The following PCM1 variants were observed in gnomAD, a reference collection of about 807,000 sequenced individuals.
PCM1 encodes pericentriolar material 1, also known as pericentriolar material 1 protein.
A neutral mutation model predicts 241.9 loss-of-function variants in PCM1; 157 were observed. The observed-to-expected ratio is 0.65, with a 90% confidence interval of 0.57 to 0.74. The LOEUF (loss-of-function observed/expected upper bound fraction) is 0.74, where lower values mean the gene tolerates loss of function less well. Among genes scored for constraint, PCM1 ranks in the 30% least tolerant of loss-of-function variants. The pLI is 0.00. For synonymous variants in PCM1, 1,085 were observed against 784.9 expected (o/e 1.38, Z -6.39); for missense variants, 3,478 against 2,360.1 (o/e 1.47, Z -9.81).
At chr8:17,975,786 A>T (rs184383368) in intron 23 of PCM1, among the ~76,000 whole-genome samples, 45 of 152,318 alleles carry the variant, frequency 3.0e-4, no homozygotes, top group Non-Finnish European at 1.5e-5. Context: ...AATGTGTTTT[A>T]ATCCTTAGAA....
At chr8:17,998,893 T>C (rs1431991843) in intron 29 of PCM1, among the ~76,000 whole-genome samples, 1 of 152,170 alleles carries the variant, frequency 6.6e-6, no homozygotes, top group Non-Finnish European at 1.5e-5. Context: ...CTTCCCACTT[T>C]TACCTCTGCT....
At chr8:17,992,741 C>T (rs988423655) in intron 28 of PCM1, among the ~76,000 whole-genome samples, 2 of 151,632 alleles carry the variant, frequency 1.3e-5, no homozygotes, top group Non-Finnish European at 2.9e-5. Flanking sequence ...CTCAGCCTCC[C>T]GAGTAGCAGG....
intron 22 of PCM1, among the ~76,000 whole-genome samples, chr8:17,970,403 CTG>C (rs1002853501): frequency 1.4e-4 from 21 of 150,786 alleles, no homozygotes; most frequent in African/African-American, 4.9e-4. Flanking sequence ...CATTTTGACA[CTG>C]TTTAATTACT....
intron 8 of PCM1, among the ~76,000 whole-genome samples, chr8:17,951,650 GTC>G (rs1001528227): frequency 4.6e-5 from 7 of 152,222 alleles, no homozygotes; most frequent in African/African-American, 1.4e-4. Context: ...TTTAAAAAAA[GTC>G]TACATTTTTA....
chr8:17,947,209 T>A lies in PCM1; in HGVS notation c.807T>A (p.Pro269=). The change falls in exon 7 of 39, where the codon CCT becomes CCA. Residue 269 remains proline, a synonymous_variant. Coordinates refer to ENST00000325083, the MANE Select transcript of PCM1 (RefSeq NM_006197.4). ...KILARDPQQE[P]MEEIENLKKQ... The stretch of plus-strand genomic sequence containing the variant: ...AGGCCAGAGATCCTCAGCAGGAGCC[T>A]ATGGAAGAGATAGAAAATTTGAAGA... The A allele has an allele frequency of 6.2e-7, 1 of 1,608,294 alleles. No individual in the cohort carries two copies. The highest frequency in any genetic ancestry group is 1.1e-5 in the South Asian group (1 of 90,460).
intron 7 of PCM1, among the ~76,000 whole-genome samples, chr8:17,948,563 A>G (rs1191122448): frequency 6.6e-6 from 1 of 151,994 alleles, no homozygotes; most frequent in Non-Finnish European, 1.5e-5. Context: ...TTGGCCTCCC[A>G]AAGTGCTGGG....
intron 9 of PCM1, among the ~76,000 whole-genome samples, chr8:17,955,071 G>A (rs1432652244): frequency 6.6e-6 from 1 of 152,076 alleles, no homozygotes; most frequent in Non-Finnish European, 1.5e-5. Context: ...ATGATTCATA[G>A]TGGCCCTGTT....
chr8:17,952,755 C>T (rs1404881503), intron 8 of PCM1, among the ~76,000 whole-genome samples: 1 of 151,952 alleles, frequency 6.6e-6, no homozygotes, highest in African/African-American at 2.4e-5. Context: ...TGAACCAATC[C>T]CTCATGGATA....
At chr8:18,010,273 GATGTGTACCCT>G (rs1341224932) in intron 31 of PCM1, among the ~76,000 whole-genome samples, 1 of 152,120 alleles carries the variant, frequency 6.6e-6, no homozygotes, top group Non-Finnish European at 1.5e-5. Context: ...CTTTTCCCTA[GATGTGTACCCT>G]TTTCCTGACC....
chr8:17,993,731 A>G (rs1395113895), intron 29 of PCM1, 112 bp downstream of exon 29: 7 of 847,142 alleles, frequency 8.3e-6, no homozygotes, highest in South Asian at 7.2e-5. Flanking sequence ...ACAACAAAAA[A>G]ACTATCACCC....
At chr8:17,927,598 T>G (rs2129445808) in intron 2 of PCM1, 1 of 152,314 alleles carries the variant, frequency 6.6e-6, no homozygotes, top group East Asian at 1.9e-4. Flanking sequence ...TGGCACCCAC[T>G]GGAGTGCAGC....
At position 18,011,773 on chromosome 8, in the gene PCM1, G is replaced by T. The variant is rs369540798; in HGVS notation, c.5457G>T (p.Gln1819His). ...TTGAAGAAGGCCCTGTGGATGTCCAGACTTCCCTCCAGGCTAACACTGAAG... is the reference window on the plus strand; with the variant it reads ...TTGAAGAAGGCCCTGTGGATGTCCATACTTCCCTCCAGGCTAACACTGAAG... ...EEFEEGPVDV[Q>H]TSLQANTEAT... The change falls in exon 34 of 39, where the codon CAG becomes CAT. Residue 1819 changes from glutamine (Q) to histidine (H), a missense_variant. Transcript: ENST00000325083. 3.1e-5 allele frequency: 50 copies of T among 1,613,644 alleles called. No homozygotes were observed. Among genetic ancestry groups the T allele is most frequent in the Middle Eastern group, 1.6e-4 (1 of 6,082 alleles).
chr8:17,995,028 T>G (rs2086165801), intron 29 of PCM1, among the ~76,000 whole-genome samples: 1 of 151,516 alleles, frequency 6.6e-6, no homozygotes, highest in African/African-American at 2.5e-5. Flanking sequence ...CTTTTTAACT[T>G]GATGTGATCC....
intron 6 of PCM1, among the ~76,000 whole-genome samples, chr8:17,942,996 CA>C (rs5889754): frequency 0.17 from 21,238 of 122,950 alleles, 1,791 homozygotes; most frequent in African/African-American, 0.33. Context: ...GACTCTGTCT[CA>C]AAAAAAAAAA....
Position 17,925,080 on chromosome 8 carries a change from A to G in PCM1, c.-23+300A>G, listed in dbSNP as rs549759475. On this transcript the variant is annotated intron_variant, in intron 2 of 38. Transcript: ENST00000325083. The stretch of plus-strand genomic sequence containing the variant: ...TTTTCAACCTGTTTGAATTTGTCCT[A>G]TAACTGGATAGCCTCTCTTTCCAAA... 1.1e-4 allele frequency: 16 copies of G among 152,346 alleles called. No homozygotes were observed. The South Asian group carries it at 3.1e-3, about 30-fold the overall frequency. 9.4% of individuals were successfully genotyped at this position (152,346 alleles called of 1,614,324 possible). A position where few individuals can be genotyped will look rare whatever the true frequency, so the allele number is the denominator to read the frequency against.
In PCM1 at chr8:17,986,242, C is replaced by T. The variant is rs1235430508; in HGVS notation, c.4410+155C>T. On this transcript the variant is annotated intron_variant, in intron 26 of 38. Transcript: ENST00000325083. ...ATAATGTGTTATTTTATTTTGAGGGCGAGATATAATATGCAATCAAAATAT... is the reference window on the plus strand; with the variant it reads ...ATAATGTGTTATTTTATTTTGAGGGTGAGATATAATATGCAATCAAAATAT... The T allele has an allele frequency of 8.6e-5, 40 of 465,414 alleles. No homozygotes were observed. In the Admixed American group the frequency reaches 1.3e-3, roughly 16 times the overall value. 28.8% of individuals were successfully genotyped at this position (465,414 alleles called of 1,614,324 possible). A position where few individuals can be genotyped will look rare whatever the true frequency, so the allele number is the denominator to read the frequency against.
rs1039244136 is a variant in PCM1 at position 17,962,325 on chromosome 8, A to G, written c.2463+151A>G. The G allele has an allele frequency of 7.2e-6, 3 of 414,918 alleles. No homozygotes were observed. In the Admixed American group the frequency reaches 1.3e-4, roughly 18 times the overall value. 25.7% of individuals were successfully genotyped at this position (414,918 alleles called of 1,614,324 possible). On this transcript the variant is annotated intron_variant, in intron 16 of 38. Coordinates refer to ENST00000325083, the MANE Select transcript of PCM1 (RefSeq NM_006197.4). Reference sequence around the variant, plus strand: ...CTTTGTGCCTTTTTTAGTAGACACAAAAATGTAATAGATTATAATAATATA... The same window carrying G: ...CTTTGTGCCTTTTTTAGTAGACACAGAAATGTAATAGATTATAATAATATA...
chr8:17,962,730 C>T (rs1563965793), intron 16 of PCM1, among the ~76,000 whole-genome samples: 1 of 151,902 alleles, frequency 6.6e-6, no homozygotes, highest in Non-Finnish European at 1.5e-5. Flanking sequence ...GAAACCCTAT[C>T]TCTACTAAAA....
chr8:17,969,800 C>A, intron 22 of PCM1, 52 bp downstream of exon 22: 1 of 1,331,602 alleles, frequency 7.5e-7, no homozygotes, highest in Admixed American at 2.0e-5. Flanking sequence ...TTTGTGATTA[C>A]ATCTAATTAT....
Sources: gnomAD v4.1 joint callset for allele counts (sites outside exome capture counted in the v4.1 genomes callset) on GRCh38, gnomAD v4.1.1 for gene constraint, MANE v1.5 for transcripts, NCBI Gene and HGNC (gene_info 2026-07-23, HGNC 2026-07-21) for gene names.